Variants in SV2C observed in about 807,000 individuals in gnomAD.
The protein encoded by SV2C is solute carrier family 22 member B3.
Under a neutral mutation model 79.7 loss-of-function variants are expected in SV2C, and 49 were observed. The observed-to-expected ratio is 0.61, with a 90% confidence interval of 0.49 to 0.78. The LOEUF (loss-of-function observed/expected upper bound fraction) is 0.78, where lower values mean the gene tolerates loss of function less well. Ranked by LOEUF, SV2C falls within the 30% of genes least tolerant of loss-of-function variation. SV2C has a pLI of 0.00. For synonymous variants in SV2C, 334 were observed against 333.2 expected (o/e 1.00, Z -0.03); for missense variants, 833 against 912.9 (o/e 0.91, Z 1.13).
At chr5:76,074,493 A>G in the SV2C span, among the ~76,000 whole-genome samples, 2 of 152,244 alleles carry the variant, frequency 1.3e-5, no homozygotes, top group African/African-American at 4.8e-5. Flanking sequence ...TGGCCTATAA[A>G]GCAAACTCAG....
At chr5:75,931,044 G>T in the SV2C span, among the ~76,000 whole-genome samples, 2 of 152,178 alleles carry the variant, frequency 1.3e-5, no homozygotes, top group South Asian at 4.1e-4. Context: ...TGAGGCACAA[G>T]AATTGCTTAA....
intron 3 of SV2C, 106 bp from the exon 4 acceptor site, chr5:76,209,630 A>G: frequency 1.9e-6 from 2 of 1,079,436 alleles, no homozygotes; most frequent in Non-Finnish European, 2.6e-6. Context: ...ATATGCTGGG[A>G]TAGGGAGAAA....
At position 76,245,718 on chromosome 5, in the gene SV2C, A is replaced by T. The variant is rs570192165; in HGVS notation, c.913+35831A>T. Among the ~76,000 whole-genome samples, 5 of 152,280 alleles carry T rather than the reference A, an allele frequency of 3.3e-5. No individual in the cohort carries two copies. The East Asian group carries it at 9.6e-4, about 29-fold the overall frequency. On this transcript the variant is annotated intron_variant, in intron 4 of 12. Coordinates refer to ENST00000502798, the MANE Select transcript of SV2C (RefSeq NM_014979.4). ...ACTCTATATGCTAATTGAAATTGGG[A>T]GCGAATTGCAGCTGGCTTGGGGCAT...
intron 3 of SV2C, among the ~76,000 whole-genome samples, chr5:76,200,325 T>C (rs2112337928): frequency 6.6e-6 from 1 of 152,368 alleles, no homozygotes; most frequent in Non-Finnish European, 1.5e-5. Flanking sequence ...CTCCATTTAC[T>C]AGGAATTTTA....
intron 6 of SV2C, among the ~76,000 whole-genome samples, chr5:76,289,854 C>G (rs1747493736): frequency 6.6e-6 from 1 of 152,220 alleles, no homozygotes; most frequent in African/African-American, 2.4e-5. Flanking sequence ...TCTCTCACTT[C>G]CAGGTTAAGT....
the SV2C span, among the ~76,000 whole-genome samples, chr5:76,067,247 T>G: frequency 6.6e-6 from 1 of 151,550 alleles, no homozygotes; most frequent in Non-Finnish European, 1.5e-5. Context: ...CTTACTGAGG[T>G]CTTTTTTTTT....
intron 10 of SV2C, 32 bp from the exon 11 acceptor site, chr5:76,300,697 T>C (rs1187593525): frequency 6.2e-7 from 1 of 1,604,372 alleles, no homozygotes; most frequent in African/African-American, 1.3e-5. Context: ...TGGTAAGAGC[T>C]TGATGAATTG....
the SV2C span, among the ~76,000 whole-genome samples, chr5:75,972,360 C>G: frequency 1.3e-5 from 2 of 151,950 alleles, no homozygotes; most frequent in African/African-American, 2.4e-5. Context: ...TTCTGCACAG[C>G]AAAAGAAACT....
intron 4 of SV2C, among the ~76,000 whole-genome samples, chr5:76,228,251 G>A (rs557042215): frequency 2.2e-4 from 34 of 152,170 alleles, no homozygotes; most frequent in South Asian, 8.3e-4. Context: ...AGCCAAATCA[G>A]ATTCACCTGG....
At chr5:76,072,948 AT>A in the SV2C span, among the ~76,000 whole-genome samples, 1 of 151,860 alleles carries the variant, frequency 6.6e-6, no homozygotes, top group Non-Finnish European at 1.5e-5. Flanking sequence ...TTCTGTTGGA[AT>A]TTTTTTCTTA....
intron 4 of SV2C, 101 bp from the exon 5 acceptor site, chr5:76,285,061 A>AGAC: frequency 6.6e-7 from 1 of 1,521,592 alleles, no homozygotes; most frequent in Non-Finnish European, 8.9e-7. Flanking sequence ...GTGGATAGTA[A>AGAC]GACTTGACTA....
At chr5:75,969,818 C>A in the SV2C span, among the ~76,000 whole-genome samples, 1 of 152,076 alleles carries the variant, frequency 6.6e-6, no homozygotes, top group Non-Finnish European at 1.5e-5. Context: ...CTGCACCAAG[C>A]AGACCTAATA....
At chr5:75,957,000 C>G in the SV2C span, among the ~76,000 whole-genome samples, 1 of 151,962 alleles carries the variant, frequency 6.6e-6, no homozygotes, top group East Asian at 1.9e-4. Context: ...TAGATTAAGT[C>G]CAGGCCCAAG....
At chr5:76,241,009 G>A (rs1745767832) in intron 4 of SV2C, among the ~76,000 whole-genome samples, 1 of 151,754 alleles carries the variant, frequency 6.6e-6, no homozygotes, top group South Asian at 2.1e-4. Flanking sequence ...AGGTTGCAGT[G>A]GCAGTGGCGT....
intron 1 of SV2C, among the ~76,000 whole-genome samples, chr5:76,120,899 G>C (rs1405333817): frequency 1.3e-5 from 2 of 150,886 alleles, no homozygotes; most frequent in Non-Finnish European, 2.9e-5. Context: ...GGGATGGCTG[G>C]GTCAAATGGT....
At chr5:76,068,336 A>T in the SV2C span, among the ~76,000 whole-genome samples, 1 of 152,198 alleles carries the variant, frequency 6.6e-6, no homozygotes, top group Non-Finnish European at 1.5e-5. Context: ...TCATATGATT[A>T]TTATTAATGT....
chr5:75,850,306 T>A, the SV2C span, among the ~76,000 whole-genome samples: 1 of 152,208 alleles, frequency 6.6e-6, no homozygotes. Flanking sequence ...CACACACCGT[T>A]CCCGTGATTG....
chr5:75,897,578 A>C, the SV2C span, among the ~76,000 whole-genome samples: 3,088 of 151,602 alleles, frequency 0.02, 1 homozygote, highest in African/African-American at 0.07. Context: ...TATGAACTTT[A>C]AAGTAGTTTT....
chr5:75,989,917 T>C, the SV2C span, among the ~76,000 whole-genome samples: 1 of 151,954 alleles, frequency 6.6e-6, no homozygotes, highest in Admixed American at 6.6e-5. Context: ...CATATGATTA[T>C]TGGCCACATG....
Sources: allele counts gnomAD v4.1 joint callset (sites outside exome capture counted in the v4.1 genomes callset), GRCh38; gene constraint gnomAD v4.1.1; transcripts MANE v1.5; gene names NCBI Gene and HGNC (gene_info 2026-07-23, HGNC 2026-07-21).